Variants in PLCB4 observed in about 807,000 individuals in gnomAD.
The protein encoded by PLCB4 is 1-phosphatidylinositol 4,5-bisphosphate phosphodiesterase beta-4.
A neutral mutation model predicts 178.8 loss-of-function variants in PLCB4; 77 were observed. That is an observed-to-expected ratio of 0.43 (90% CI 0.36 to 0.52). The LOEUF is 0.52. Among genes scored for constraint, PLCB4 ranks in the 20% least tolerant of loss-of-function variants. The probability of loss-of-function intolerance (pLI) is 0.00; values close to 1 mark genes in which losing one functional copy is unlikely to be tolerated. For synonymous variants in PLCB4, 496 were observed against 490.8 expected, an observed-to-expected ratio of 1.01 and a Z score of -0.14; for missense variants, 1,024 against 1,453.4, an observed-to-expected ratio of 0.70 and a Z score of 4.80.
intron 13 of PLCB4, among the ~76,000 whole-genome samples, chr20:9,383,315 C>A (rs1602255777): frequency 6.6e-6 from 1 of 152,076 alleles, no homozygotes; most frequent in East Asian, 1.9e-4. Context: ...GTCAAATAAT[C>A]AAAAATGTAA....
chr20:9,119,574 G>A (rs576018978), intron 2 of PLCB4, among the ~76,000 whole-genome samples: 18 of 151,342 alleles, frequency 1.2e-4, no homozygotes, highest in African/African-American at 4.1e-4. Context: ...ACAGTTTTAG[G>A]AGAGATGAAA....
intron 3 of PLCB4, among the ~76,000 whole-genome samples, chr20:9,282,181 C>G (rs1022837524): frequency 9.2e-5 from 14 of 151,980 alleles, no homozygotes; most frequent in African/African-American, 3.1e-4. Context: ...ATGACCAAGG[C>G]ATTCCTTTCC....
chr20:9,473,464 T>C, intron 38 of PLCB4, 99 bp downstream of exon 38: 1 of 568,252 alleles, frequency 1.8e-6, no homozygotes, highest in Non-Finnish European at 3.1e-6. Context: ...ATATTGTAAT[T>C]GAAAGGTAGA....
chr20:9,274,881 C>T (rs2094437683), intron 3 of PLCB4, among the ~76,000 whole-genome samples: 1 of 152,012 alleles, frequency 6.6e-6, no homozygotes, highest in South Asian at 2.1e-4. Flanking sequence ...AATTATTTGG[C>T]CCCTTTCCTC....
intron 25 of PLCB4, among the ~76,000 whole-genome samples, chr20:9,416,822 G>T (rs902309073): frequency 7.2e-5 from 11 of 152,130 alleles, no homozygotes; most frequent in African/African-American, 2.2e-4. Flanking sequence ...TAAAAAATCA[G>T]TGTTGTCTCT....
At chr20:9,076,107 G>C (rs2089850013) in intron 1 of PLCB4, among the ~76,000 whole-genome samples, 1 of 151,926 alleles carries the variant, frequency 6.6e-6, no homozygotes, top group South Asian at 2.1e-4. Context: ...CAAGCTGTTG[G>C]CAAATACACA....
intron 2 of PLCB4, among the ~76,000 whole-genome samples, chr20:9,157,512 G>C (rs1600783150): frequency 2.0e-5 from 3 of 152,246 alleles, no homozygotes; most frequent in South Asian, 4.2e-4. Flanking sequence ...TTTAAGTAGG[G>C]AGAGAAGGAA....
intron 27 of PLCB4, 34 bp from the exon 28 acceptor site, chr20:9,423,714 G>T: frequency 6.4e-7 from 1 of 1,568,862 alleles, no homozygotes; most frequent in South Asian, 1.1e-5. Flanking sequence ...GCGCTGCATT[G>T]GAAAAATCAG....
chr20:9,247,178 T>C (rs1271451746), intron 3 of PLCB4, among the ~76,000 whole-genome samples: 1 of 152,160 alleles, frequency 6.6e-6, no homozygotes, highest in African/African-American at 2.4e-5. Context: ...ATGCCCATAA[T>C]TGAAGAAAAC....
At chr20:9,431,134 C>G (rs1021881245) in intron 28 of PLCB4, among the ~76,000 whole-genome samples, 7 of 152,086 alleles carry the variant, frequency 4.6e-5, no homozygotes, top group African/African-American at 1.7e-4. Flanking sequence ...TGAAGGCTCT[C>G]GGGAAGAATC....
intron 2 of PLCB4, 70 bp downstream of exon 2, chr20:9,096,412 T>G (rs964685899): frequency 1.3e-5 from 2 of 152,224 alleles, no homozygotes; most frequent in African/African-American, 4.8e-5. Context: ...TCCAGATGAT[T>G]TAATCGAGAA....
chr20:9,371,124 T>G (rs1369686705), intron 9 of PLCB4, 90 bp from the exon 10 acceptor site: 1 of 829,072 alleles, frequency 1.2e-6, no homozygotes, highest in South Asian at 1.4e-5. Flanking sequence ...TACCCTAGTC[T>G]CACTCTCCAT....
At chr20:9,200,871 C>T (rs1273373170) in intron 2 of PLCB4, among the ~76,000 whole-genome samples, 1 of 152,104 alleles carries the variant, frequency 6.6e-6, no homozygotes, top group African/African-American at 2.4e-5. Context: ...CTCCCCCCAG[C>T]TTGCTAGGAA....
At chr20:9,154,154 G>A (rs993271298) in intron 2 of PLCB4, among the ~76,000 whole-genome samples, 11 of 152,136 alleles carry the variant, frequency 7.2e-5, no homozygotes, top group African/African-American at 2.2e-4. Flanking sequence ...GCAGCGAGGA[G>A]GGATTAGAGA....
At chr20:9,459,020 G>A (rs1396312970) in intron 34 of PLCB4, among the ~76,000 whole-genome samples, 1 of 152,174 alleles carries the variant, frequency 6.6e-6, no homozygotes, top group Non-Finnish European at 1.5e-5. Flanking sequence ...AATCCTGATG[G>A]AATTGGTAAA....
chr20:9,184,355 T>C (rs1026757340), intron 2 of PLCB4, among the ~76,000 whole-genome samples: 2 of 152,190 alleles, frequency 1.3e-5, no homozygotes, highest in African/African-American at 4.8e-5. Flanking sequence ...AGTGGTTTTT[T>C]GGTGAATGTT....
intron 23 of PLCB4, 30 bp downstream of exon 23, chr20:9,408,747 G>A: frequency 8.7e-7 from 1 of 1,154,316 alleles, no homozygotes; most frequent in South Asian, 1.2e-5. Flanking sequence ...GGAATGAGTG[G>A]TTGACTCACG....
chr20:9,122,356 G>A (rs1045241380), intron 2 of PLCB4, among the ~76,000 whole-genome samples: 3 of 150,000 alleles, frequency 2.0e-5, no homozygotes, highest in African/African-American at 4.9e-5. Context: ...TTTTTTTTCT[G>A]TTAACATTAT....
chr20:9,304,429 G>C (rs2094741272), intron 3 of PLCB4, among the ~76,000 whole-genome samples: 1 of 151,238 alleles, frequency 6.6e-6, no homozygotes. Context: ...GGGTAGCCAG[G>C]GTGCAAAGAG....
Sources: allele counts gnomAD v4.1 joint callset (sites outside exome capture counted in the v4.1 genomes callset), GRCh38; gene constraint gnomAD v4.1.1; transcripts MANE v1.5; gene names NCBI Gene and HGNC (gene_info 2026-07-23, HGNC 2026-07-21).